The following AGBL1 variants were observed in gnomAD, a reference collection of about 807,000 sequenced individuals.
AGBL1 encodes the protein AGBL carboxypeptidase 1.
In AGBL1, 130 loss-of-function variants were observed where a neutral mutation model predicts 118.9. That is an observed-to-expected ratio of 1.09 (90% confidence interval 0.95 to 1.26). The LOEUF (loss-of-function observed/expected upper bound fraction) is 1.26. Ranked by LOEUF, AGBL1 falls within the 50% of genes most tolerant of loss-of-function variation. The probability of loss-of-function intolerance (pLI) is 0.00; values close to 1 mark genes in which losing one functional copy is unlikely to be tolerated. For missense variants in AGBL1, 1,584 were observed against 1,298.1 expected (o/e 1.22, Z -3.38); for synonymous variants, 555 against 478.9 (o/e 1.16, Z -2.08).
chr15:86,924,359 T>C (rs552652154), intron 23 of AGBL1, among the ~76,000 whole-genome samples: 1 of 152,380 alleles, frequency 6.6e-6, no homozygotes, highest in Admixed American at 6.5e-5. Flanking sequence ...AGCAGAATGC[T>C]TTGAGGCTCA....
chr15:86,297,070 T>C (rs1244423996), intron 17 of AGBL1: 1 of 152,022 alleles, frequency 6.6e-6, no homozygotes, highest in Admixed American at 6.6e-5. Context: ...CTCCAACAAA[T>C]AGTTCTGTTA....
At chr15:86,160,099 G>GTTTTT (rs1162570173) in intron 5 of AGBL1, among the ~76,000 whole-genome samples, 3 of 110,278 alleles carry the variant, frequency 2.7e-5, no homozygotes, top group East Asian at 2.8e-4. Flanking sequence ...GGGAACTGTG[G>GTTTTT]TTTTTTTTTT....
chr15:86,977,027 CATTTT>C (rs1197233702), intron 23 of AGBL1, among the ~76,000 whole-genome samples: 2 of 151,914 alleles, frequency 1.3e-5, no homozygotes, highest in African/African-American at 4.8e-5. Flanking sequence ...TAAAGTGACA[CATTTT>C]AATATAGTGA....
chr15:86,706,344 G>A (rs566805977), intron 22 of AGBL1, among the ~76,000 whole-genome samples: 2 of 152,064 alleles, frequency 1.3e-5, no homozygotes, highest in East Asian at 3.9e-4. Context: ...AAAAGAAAAA[G>A]CTTGGAAAAG....
chr15:86,715,914 T>C lies in AGBL1; in HGVS notation c.3158+41478T>C, dbSNP rs551998751. On this transcript the variant is annotated intron_variant, in intron 22 of 22. Coordinates refer to ENST00000614907, the MANE Select transcript of AGBL1 (RefSeq NM_001386094.1). ...TTTACTAAAAAATACAAAAAATTAGTCAGGCGTGGTGGTGGGTGCCGAGTA... is the reference window on the plus strand; with the variant it reads ...TTTACTAAAAAATACAAAAAATTAGCCAGGCGTGGTGGTGGGTGCCGAGTA... Among the ~76,000 whole-genome samples the C allele has an allele frequency of 2.7e-3, 407 of 151,618 alleles. 1 individual carries two copies. The highest frequency in any genetic ancestry group is 9.3e-3 in the African/African-American group (383 of 41,314).
intron 22 of AGBL1, among the ~76,000 whole-genome samples, chr15:86,867,234 G>A (rs2079645815): frequency 6.6e-6 from 1 of 152,112 alleles, no homozygotes; most frequent in African/African-American, 2.4e-5. Context: ...GGTTTACTCA[G>A]CCCTCATTTT....
intron 23 of AGBL1, among the ~76,000 whole-genome samples, chr15:86,966,287 T>C (rs988300348): frequency 7.9e-5 from 12 of 152,012 alleles, no homozygotes; most frequent in Admixed American, 7.9e-4. Flanking sequence ...TTCTTTTTTT[T>C]TTTTTTTAAC....
At chr15:86,545,878 T>C in intron 19 of AGBL1, 124 bp from the exon 20 acceptor site, 1 of 1,198,306 alleles carries the variant, frequency 8.3e-7, no homozygotes, top group Non-Finnish European at 1.2e-6. Context: ...CTCAACAGCA[T>C]CCGAGAAAGT....
chr15:86,213,446 G>T (rs1274782036), intron 5 of AGBL1, among the ~76,000 whole-genome samples: 1 of 152,198 alleles, frequency 6.6e-6, no homozygotes, highest in South Asian at 2.1e-4. Flanking sequence ...TGGAAGTGCA[G>T]TTTCTCAGGT....
chr15:86,767,146 A>G (rs1229070495), intron 22 of AGBL1, among the ~76,000 whole-genome samples: 13 of 152,000 alleles, frequency 8.6e-5, no homozygotes, highest in Admixed American at 8.5e-4. Context: ...TATATAAGTG[A>G]AGCTCAGATT....
At chr15:86,576,991 T>C (rs2084100897) in intron 21 of AGBL1, among the ~76,000 whole-genome samples, 1 of 152,140 alleles carries the variant, frequency 6.6e-6, no homozygotes, top group Non-Finnish European at 1.5e-5. Context: ...GTACAGTAGA[T>C]TGGTACCAGG....
intron 22 of AGBL1, among the ~76,000 whole-genome samples, chr15:86,702,887 G>A (rs2086384796): frequency 6.6e-6 from 1 of 151,524 alleles, no homozygotes; most frequent in African/African-American, 2.4e-5. Flanking sequence ...TATAATCTCT[G>A]TGCTTAAAAA....
chr15:86,323,692 A>G (rs2080140333), intron 17 of AGBL1, among the ~76,000 whole-genome samples: 1 of 152,218 alleles, frequency 6.6e-6, no homozygotes, highest in Non-Finnish European at 1.5e-5. Flanking sequence ...GGTATAGACA[A>G]TCTAAAAAGA....
At chr15:86,698,402 C>T (rs1242875758) in intron 22 of AGBL1, among the ~76,000 whole-genome samples, 2 of 151,964 alleles carry the variant, frequency 1.3e-5, no homozygotes, top group Non-Finnish European at 2.9e-5. Context: ...TGATTAAACA[C>T]TTTGCCTCAG....
chr15:86,341,626 TATC>T (rs1225896279), intron 17 of AGBL1, among the ~76,000 whole-genome samples: 12 of 152,194 alleles, frequency 7.9e-5, no homozygotes, highest in Non-Finnish European at 7.4e-5. Flanking sequence ...TTGTAGAACT[TATC>T]ATTTCATGCC....
chr15:86,949,201 C>T (rs2080854471), intron 23 of AGBL1, among the ~76,000 whole-genome samples: 1 of 152,092 alleles, frequency 6.6e-6, no homozygotes, highest in South Asian at 2.1e-4. Flanking sequence ...ATTTTTGTTT[C>T]TCTTTTTGAT....
intron 22 of AGBL1, among the ~76,000 whole-genome samples, chr15:86,741,591 A>C (rs2141236656): frequency 6.6e-6 from 1 of 152,006 alleles, no homozygotes; most frequent in Non-Finnish European, 1.5e-5. Flanking sequence ...ATGTTGATGA[A>C]GTCTCTTGAA....
intron 24 of AGBL1, among the ~76,000 whole-genome samples, chr15:86,991,864 GA>G (rs2081339118): frequency 6.6e-6 from 1 of 152,162 alleles, no homozygotes; most frequent in East Asian, 1.9e-4. Flanking sequence ...AGCATTTCCT[GA>G]AACAATTGTA....
intron 21 of AGBL1, among the ~76,000 whole-genome samples, chr15:86,589,039 A>T (rs2084296246): frequency 6.6e-6 from 1 of 151,962 alleles, no homozygotes; most frequent in Non-Finnish European, 1.5e-5. Context: ...GTATATATAC[A>T]CTGTGTGCAT....
Sources: gnomAD v4.1 joint callset for allele counts (sites outside exome capture counted in the v4.1 genomes callset) on GRCh38, gnomAD v4.1.1 for gene constraint, MANE v1.5 for transcripts, NCBI Gene and HGNC (gene_info 2026-07-23, HGNC 2026-07-21) for gene names.